ADAM22: variants seen among roughly 807,000 people sequenced by gnomAD.
ADAM22 encodes disintegrin and metalloproteinase domain-containing protein 22.
ADAM22 carries 65 observed loss-of-function variants against 144.6 expected under a neutral mutation model. That is an observed-to-expected ratio of 0.45 (90% CI 0.37 to 0.55). The LOEUF (loss-of-function observed/expected upper bound fraction) is 0.55, where lower values mean the gene tolerates loss of function less well. Ranked by LOEUF, ADAM22 falls within the 20% of genes least tolerant of loss-of-function variation. The pLI is 0.00. For synonymous variants in ADAM22, 391 were observed against 412.6 expected (o/e 0.95, Z 0.63); for missense variants, 974 against 1,184.9 (o/e 0.82, Z 2.61).
At chr7:88,039,464 A>AAAAAAAAATAT in intron 3 of ADAM22, among the ~76,000 whole-genome samples, 12 of 76,400 alleles carry the variant, frequency 1.6e-4, no homozygotes, top group African/African-American at 5.2e-4. Flanking sequence ...AAAAAAAAAA[A>AAAAAAAAATAT]ATATATATAT....
intron 3 of ADAM22, among the ~76,000 whole-genome samples, chr7:88,051,470 A>G (rs1187006136): frequency 6.7e-6 from 1 of 150,056 alleles, no homozygotes; most frequent in East Asian, 2.0e-4. Context: ...CAGACACCGC[A>G]TGTTCTCACT....
chr7:88,165,722 T>A lies in ADAM22; in HGVS notation c.2077-110T>A, dbSNP rs1842798644. The A allele has an allele frequency of 8.1e-6, 5 of 614,112 alleles. No individual in the cohort carries two copies. In the Admixed American group the frequency reaches 1.4e-4, roughly 17 times the overall value. 38.0% of individuals were successfully genotyped at this position (614,112 alleles called of 1,614,324 possible). A position where few individuals can be genotyped will look rare whatever the true frequency, so the allele number is the denominator to read the frequency against. Reference sequence around the variant, plus strand: ...GTATTAAGAAGAACATACTAATAATTTTTTGGAATTACCACATTCTAAGCA... The same window carrying A: ...GTATTAAGAAGAACATACTAATAATATTTTGGAATTACCACATTCTAAGCA... On this transcript the variant is annotated intron_variant, in intron 23 of 31. Transcript: ENST00000413139.
At chr7:87,954,109 G>T (rs1370777136) in intron 2 of ADAM22, among the ~76,000 whole-genome samples, 1 of 152,072 alleles carries the variant, frequency 6.6e-6, no homozygotes, top group Admixed American at 6.6e-5. Context: ...TTGCCAGTCT[G>T]TGTCTTTTAA....
chr7:88,071,391 A>ATTTTTTTTTTTTTTTTT (rs71297113), intron 3 of ADAM22, among the ~76,000 whole-genome samples: 2 of 126,058 alleles, frequency 1.6e-5, no homozygotes, highest in African/African-American at 3.0e-5. Context: ...TTATGAAGTG[A>ATTTTTTTTTTTTTTTTT]TTTTTTTTTT....
chr7:87,982,199 T>G (rs972557071), intron 3 of ADAM22, among the ~76,000 whole-genome samples: 1 of 151,750 alleles, frequency 6.6e-6, no homozygotes, highest in African/African-American at 2.4e-5. Context: ...AAACAAAGAC[T>G]TTACTCTTAG....
chr7:88,066,429 G>GAATC (rs1811264029), intron 3 of ADAM22, among the ~76,000 whole-genome samples: 1 of 152,080 alleles, frequency 6.6e-6, no homozygotes, highest in South Asian at 2.1e-4. Context: ...GATTATAGGA[G>GAATC]AATCATGTTT....
chr7:88,153,669 C>T (rs1839097891), intron 21 of ADAM22, among the ~76,000 whole-genome samples: 1 of 152,140 alleles, frequency 6.6e-6, no homozygotes, highest in African/African-American at 2.4e-5. Context: ...TTTCCCAAAC[C>T]ACCCCCTTTT....
At chr7:88,111,185 C>A (rs1038837619) in intron 5 of ADAM22, among the ~76,000 whole-genome samples, 1 of 151,902 alleles carries the variant, frequency 6.6e-6, no homozygotes, top group Non-Finnish European at 1.5e-5. Flanking sequence ...ATAAATATAA[C>A]CTTGTATCAT....
chr7:88,134,229 G>A, intron 12 of ADAM22, 100 bp from the exon 13 acceptor site: 1 of 875,970 alleles, frequency 1.1e-6, no homozygotes, highest in Non-Finnish European at 1.7e-6. Flanking sequence ...AAATTGCTTA[G>A]AAATTACTTA....
In ADAM22 at chr7:88,200,310, T is replaced by C. The variant is rs973581426; in HGVS notation, c.*3819T>C. ...AATAAATTCTTATCTAAAGAAAAGA[T>C]TATTTTACTTTATTTTACTTAAAGG... On this transcript the variant is annotated 3_prime_UTR_variant, in exon 32 of 32. Transcript: ENST00000413139. 3 of 152,228 alleles carry C rather than the reference T, an allele frequency of 2.0e-5. No individual in the cohort carries two copies. The highest frequency in any genetic ancestry group is 4.4e-5 in the Non-Finnish European group (3 of 68,028). 9.4% of individuals were successfully genotyped at this position (152,228 alleles called of 1,614,324 possible).
intron 27 of ADAM22, among the ~76,000 whole-genome samples, chr7:88,180,717 G>C (rs1358539993): frequency 1.3e-5 from 2 of 152,026 alleles, no homozygotes; most frequent in Admixed American, 6.6e-5. Context: ...ATCTCAGTGG[G>C]TTATGATTCT....
chr7:88,166,294 T>C lies in ADAM22; in HGVS notation c.2191+348T>C, dbSNP rs571388578. On this transcript the variant is annotated intron_variant, in intron 24 of 31. Transcript: ENST00000413139. ...AATAATTTTATATTTTTGAACTGAATAAAGAAGAAACAATTAAAGAATTGG... is the reference window on the plus strand; with the variant it reads ...AATAATTTTATATTTTTGAACTGAACAAAGAAGAAACAATTAAAGAATTGG... Among the ~76,000 whole-genome samples the C allele has an allele frequency of 3.3e-5, 5 of 152,324 alleles. No individual in the cohort carries two copies. The East Asian group carries it at 9.6e-4, about 29-fold the overall frequency.
chr7:88,121,193 G>T (rs2008840), intron 7 of ADAM22, among the ~76,000 whole-genome samples: 71,913 of 151,836 alleles, frequency 0.47, 18,643 homozygotes, highest in East Asian at 0.9. Flanking sequence ...TCCAATTCTG[G>T]TTTTTCCAAA....
chr7:87,966,232 C>T (rs774758665), intron 2 of ADAM22, among the ~76,000 whole-genome samples: 4 of 152,202 alleles, frequency 2.6e-5, no homozygotes, highest in East Asian at 1.9e-4. Flanking sequence ...GCTGATTTGT[C>T]GGAGGGATTT....
chr7:88,079,180 G>A (rs1815678365), intron 4 of ADAM22, among the ~76,000 whole-genome samples: 1 of 152,128 alleles, frequency 6.6e-6, no homozygotes, highest in Non-Finnish European at 1.5e-5. Context: ...GAAGAGAGTG[G>A]GGGCCAATAT....
chr7:88,030,276 C>T (rs1799943273), intron 3 of ADAM22, among the ~76,000 whole-genome samples: 1 of 151,972 alleles, frequency 6.6e-6, no homozygotes, highest in Non-Finnish European at 1.5e-5. Flanking sequence ...CTGATGTATT[C>T]TTCAGTGTGT....
chr7:87,941,728 G>GTA (rs542885619), intron 2 of ADAM22, among the ~76,000 whole-genome samples: 99 of 152,138 alleles, frequency 6.5e-4, no homozygotes, highest in Admixed American at 4.0e-3. Flanking sequence ...ATCCCAATTT[G>GTA]TATATATATG....
chr7:88,168,312 T>A, intron 25 of ADAM22, 85 bp downstream of exon 25: 1 of 1,345,798 alleles, frequency 7.4e-7, no homozygotes, highest in Non-Finnish European at 1.1e-6. Flanking sequence ...AAGTTTTGTA[T>A]CATTGGTTGA....
intron 29 of ADAM22, 64 bp downstream of exon 29, chr7:88,182,088 A>G: frequency 7.3e-7 from 1 of 1,377,456 alleles, no homozygotes; most frequent in Non-Finnish European, 1.0e-6. Flanking sequence ...GTCAAAAGTA[A>G]ATTAAGCAGA....
Sources: allele counts gnomAD v4.1 joint callset (sites outside exome capture counted in the v4.1 genomes callset), GRCh38; gene constraint gnomAD v4.1.1; transcripts MANE v1.5; gene names NCBI Gene and HGNC (gene_info 2026-07-23, HGNC 2026-07-21).